Variants in ALK observed in about 807,000 individuals in gnomAD.
ALK encodes the protein ALK receptor tyrosine kinase, also known as ALK tyrosine kinase receptor.
A neutral mutation model predicts 163.1 loss-of-function variants in ALK; 74 were observed. That is an observed-to-expected ratio of 0.45 (90% CI 0.38 to 0.55). ALK has a LOEUF of 0.55. Ranked by LOEUF, ALK falls within the 20% of genes least tolerant of loss-of-function variation. The pLI is 0.00. For synonymous variants in ALK, 960 were observed against 843.2 expected, an observed-to-expected ratio of 1.14 and a Z score of -2.40; for missense variants, 2,063 against 2,105.3, an observed-to-expected ratio of 0.98 and a Z score of 0.39.
At chr2:29,786,628 G>A (rs1466123822) in intron 1 of ALK, among the ~76,000 whole-genome samples, 1 of 152,188 alleles carries the variant, frequency 6.6e-6, no homozygotes, top group Non-Finnish European at 1.5e-5. Context: ...GGTGAATAAT[G>A]TAGTCCCCGA....
At chr2:29,225,665 T>C (rs1663958849) in intron 18 of ALK, 100 bp from the exon 19 acceptor site, 2 of 977,688 alleles carry the variant, frequency 2.0e-6, no homozygotes, top group Non-Finnish European at 3.2e-6. Context: ...CAAAAACTAC[T>C]TGCTCCTTCC....
At chr2:29,730,209 T>A (rs989626068) in intron 1 of ALK, among the ~76,000 whole-genome samples, 4 of 151,934 alleles carry the variant, frequency 2.6e-5, no homozygotes, top group Non-Finnish European at 5.9e-5. Context: ...TGGGAGATGC[T>A]GGGATGTGAG....
intron 1 of ALK, among the ~76,000 whole-genome samples, chr2:29,906,347 G>T (rs929865140): frequency 6.6e-6 from 1 of 152,148 alleles, no homozygotes; most frequent in African/African-American, 2.4e-5. Context: ...GTTCATTGCT[G>T]TCTGTGCAGC....
intron 3 of ALK, among the ~76,000 whole-genome samples, chr2:29,552,534 A>T (rs934256809): frequency 2.6e-4 from 40 of 152,220 alleles, no homozygotes; most frequent in Non-Finnish European, 5.1e-4. Context: ...CTTTAAAAAA[A>T]TAATAGACAA....
At chr2:29,770,615 G>T (rs1180927357) in intron 1 of ALK, among the ~76,000 whole-genome samples, 4 of 152,146 alleles carry the variant, frequency 2.6e-5, no homozygotes, top group African/African-American at 9.7e-5. Context: ...AGATTTAAAA[G>T]AAGATAAATT....
chr2:29,816,190 A>C (rs1664892244), intron 1 of ALK, among the ~76,000 whole-genome samples: 1 of 152,244 alleles, frequency 6.6e-6, no homozygotes, highest in African/African-American at 2.4e-5. Flanking sequence ...AATCCACATG[A>C]AACATTAAGT....
intron 23 of ALK, among the ~76,000 whole-genome samples, chr2:29,216,215 C>T (rs528499913): frequency 3.2e-4 from 49 of 152,326 alleles, no homozygotes; most frequent in African/African-American, 9.1e-4. Flanking sequence ...CTGTTCTTCT[C>T]ATGGCCATGG....
At chr2:29,635,716 C>T (rs1179581147) in intron 3 of ALK, among the ~76,000 whole-genome samples, 1 of 151,968 alleles carries the variant, frequency 6.6e-6, no homozygotes, top group Non-Finnish European at 1.5e-5. Context: ...GATTCTCATG[C>T]CTCAGACTCC....
chr2:29,229,363 A>T (rs1308811933), intron 15 of ALK, among the ~76,000 whole-genome samples: 3 of 152,078 alleles, frequency 2.0e-5, no homozygotes, highest in Admixed American at 6.5e-5. Flanking sequence ...TTGGTTAAGG[A>T]TGGGGGGACG....
intron 3 of ALK, among the ~76,000 whole-genome samples, chr2:29,558,845 A>G (rs1481254867): frequency 3.3e-5 from 5 of 152,182 alleles, no homozygotes; most frequent in Non-Finnish European, 4.4e-5. Context: ...GTTCTGGCAT[A>G]CGGTGGACAC....
At chr2:29,631,629 C>G (rs1000330501) in intron 3 of ALK, among the ~76,000 whole-genome samples, 11 of 152,214 alleles carry the variant, frequency 7.2e-5, no homozygotes, top group African/African-American at 2.4e-4. Context: ...ACTGAAAAAA[C>G]AGTACCTGCC....
chr2:29,388,563 T>A (rs1293305031), intron 4 of ALK, among the ~76,000 whole-genome samples: 2 of 152,226 alleles, frequency 1.3e-5, no homozygotes, highest in African/African-American at 4.8e-5. Context: ...AGTTTCCCTA[T>A]TTTTAAGATG....
At chr2:29,870,391 T>C (rs1666546993) in intron 1 of ALK, among the ~76,000 whole-genome samples, 1 of 151,842 alleles carries the variant, frequency 6.6e-6, no homozygotes, top group Admixed American at 6.6e-5. Context: ...TTACATACTT[T>C]TAAAAAACCA....
chr2:29,587,001 C>G (rs922935540), intron 3 of ALK, among the ~76,000 whole-genome samples: 21 of 152,072 alleles, frequency 1.4e-4, no homozygotes, highest in African/African-American at 5.1e-4. Flanking sequence ...GTGGGTGTAC[C>G]CTTACCTGCC....
chr2:29,472,696 T>C (rs1296634369), intron 4 of ALK, among the ~76,000 whole-genome samples: 1 of 152,208 alleles, frequency 6.6e-6, no homozygotes, highest in African/African-American at 2.4e-5. Context: ...CAGTCAATAC[T>C]GTATACAACA....
intron 5 of ALK, among the ~76,000 whole-genome samples, chr2:29,342,257 A>G (rs1667815596): frequency 6.6e-6 from 1 of 152,258 alleles, no homozygotes; most frequent in Non-Finnish European, 1.5e-5. Flanking sequence ...TTGTTCCTCA[A>G]TTCAGCTTTG....
intron 9 of ALK, among the ~76,000 whole-genome samples, chr2:29,285,325 G>A (rs143870904): frequency 0.013 from 1,984 of 151,538 alleles, 48 homozygotes; most frequent in African/African-American, 0.046. Flanking sequence ...GTGTGATCTT[G>A]GCTTACTGCA....
chr2:29,210,008 T>A, intron 24 of ALK, 130 bp from the exon 25 acceptor site: 2 of 745,506 alleles, frequency 2.7e-6, no homozygotes, highest in Admixed American at 4.0e-5. Context: ...TCCTTTAGTA[T>A]AGTATACTTC....
chr2:29,508,042 G>A (rs1672385761), intron 4 of ALK, among the ~76,000 whole-genome samples: 1 of 152,130 alleles, frequency 6.6e-6, no homozygotes, highest in Admixed American at 6.5e-5. Flanking sequence ...TGAGTCCTGA[G>A]CATGTTTGGC....
Sources: gnomAD v4.1 joint callset for allele counts (sites outside exome capture counted in the v4.1 genomes callset) on GRCh38, gnomAD v4.1.1 for gene constraint, MANE v1.5 for transcripts, NCBI Gene and HGNC (gene_info 2026-07-23, HGNC 2026-07-21) for gene names.